The following SLC4A4 variants were observed in gnomAD, a reference collection of about 807,000 sequenced individuals.
SLC4A4 encodes electrogenic sodium bicarbonate cotransporter 1.
In SLC4A4, 27 loss-of-function variants were observed where a neutral mutation model predicts 111.5. The ratio of observed to expected loss-of-function variants is 0.24; its 90% confidence interval spans 0.18 to 0.33. The LOEUF (loss-of-function observed/expected upper bound fraction) is 0.33. Ranked by LOEUF, SLC4A4 falls within the 10% of genes least tolerant of loss-of-function variation. The pLI is 1.00. For missense variants in SLC4A4, 909 were observed against 1,315.5 expected (o/e 0.69, Z 4.78); for synonymous variants, 443 against 463.4 (o/e 0.96, Z 0.57).
chr4:71,152,945 C>CTA (rs1195662786), intron 2 of SLC4A4, among the ~76,000 whole-genome samples: 22 of 142,292 alleles, frequency 1.5e-4, no homozygotes, highest in African/African-American at 4.9e-4. Flanking sequence ...TATATATATC[C>CTA]TATATATATG....
rs1278525037 is a variant in SLC4A4 at position 71,486,957 on chromosome 4, C to T, written c.1913C>T (p.Ser638Leu). 1 of 1,595,822 alleles carries T rather than the reference C, an allele frequency of 6.3e-7. No homozygotes were observed. The highest frequency in any genetic ancestry group is 2.2e-5 in the East Asian group (1 of 44,466). The change falls in exon 15 of 26, where the codon TCA becomes TTA. Residue 638 changes from serine to leucine, a missense_variant. Physicochemically the swap from Ser to Leu is moderately radical, Grantham distance 145. Coordinates refer to ENST00000264485, the MANE Select transcript of SLC4A4 (RefSeq NM_001098484.3). ...TCVPPDPANI[S>L]ISNDTTLAPE... ...TATCTTTTGCTTACAGCTAATATCT[C>T]AATATCTAATGACACCACACTGGCC...
At chr4:71,131,163 G>GGCGGATGGGAGAGTGGGGATCTA in intron 2 of SLC4A4, among the ~76,000 whole-genome samples, 1 of 152,334 alleles carries the variant, frequency 6.6e-6, no homozygotes, top group South Asian at 2.1e-4. Flanking sequence ...GTGGGGATCT[G>GGCGGATGGGAGAGTGGGGATCTA]TCTGTCCATC....
chr4:71,230,172 T>C (rs1010826681), intron 1 of SLC4A4, among the ~76,000 whole-genome samples: 1 of 152,208 alleles, frequency 6.6e-6, no homozygotes, highest in Non-Finnish European at 1.5e-5. Context: ...AATGTGTGTA[T>C]GAGTGTATAA....
intron 1 of SLC4A4, among the ~76,000 whole-genome samples, chr4:71,196,782 C>T (rs760316980): frequency 1.2e-4 from 14 of 115,500 alleles, no homozygotes; most frequent in Non-Finnish European, 2.0e-4. Flanking sequence ...TGCAGTGAGC[C>T]GAGATTGCAC....
chr4:71,159,426 T>A (rs970815776), intron 2 of SLC4A4, among the ~76,000 whole-genome samples: 4 of 152,156 alleles, frequency 2.6e-5, no homozygotes, highest in African/African-American at 9.7e-5. Context: ...CAGGCTGGAG[T>A]ATAGTGGCGT....
At chr4:71,232,591 A>C (rs1006527388) in intron 1 of SLC4A4, among the ~76,000 whole-genome samples, 1 of 151,928 alleles carries the variant, frequency 6.6e-6, no homozygotes, top group Admixed American at 6.6e-5. Context: ...TGGAAAAAAA[A>C]ATTTCAGAGA....
At chr4:71,465,481 CA>C (rs145899195) in intron 12 of SLC4A4, among the ~76,000 whole-genome samples, 2,767 of 149,210 alleles carry the variant, frequency 0.019, 75 homozygotes, top group African/African-American at 0.063. Flanking sequence ...TAGGTTGGTG[CA>C]AAAGTAATCG....
intron 1 of SLC4A4, chr4:71,233,402 G>T (rs958803728): frequency 1.7e-6 from 1 of 600,236 alleles, no homozygotes; most frequent in African/African-American, 2.0e-5. Context: ...TCAGCCACTC[G>T]GTAGCAGTAC....
intron 16 of SLC4A4, among the ~76,000 whole-genome samples, chr4:71,507,058 A>T (rs891496848): frequency 6.6e-6 from 1 of 152,212 alleles, no homozygotes; most frequent in Non-Finnish European, 1.5e-5. Context: ...GAAATTCGTC[A>T]TGACCAGACC....
chr4:71,413,787 C>T (rs536596878), intron 7 of SLC4A4, among the ~76,000 whole-genome samples: 73 of 152,188 alleles, frequency 4.8e-4, no homozygotes, highest in African/African-American at 1.7e-3. Context: ...CCTTCCAGTT[C>T]TAAAATTCTG....
At chr4:71,339,105 T>C (rs1037716672) in intron 3 of SLC4A4, 31 of 1,602,828 alleles carry the variant, frequency 1.9e-5, no homozygotes, top group Non-Finnish European at 2.5e-5. Flanking sequence ...TAAAGGTTCT[T>C]TGTGACACAT....
At chr4:71,138,140 G>A (rs1276837080) in intron 2 of SLC4A4, among the ~76,000 whole-genome samples, 1 of 152,216 alleles carries the variant, frequency 6.6e-6, no homozygotes, top group Non-Finnish European at 1.5e-5. Context: ...AGGTAGTTAA[G>A]TTGATTAATG....
intron 2 of SLC4A4, among the ~76,000 whole-genome samples, chr4:71,168,974 G>A (rs1744862262): frequency 6.6e-6 from 1 of 151,910 alleles, no homozygotes; most frequent in Admixed American, 6.6e-5. Flanking sequence ...ATATACCTAG[G>A]AGTGGGATTG....
intron 2 of SLC4A4, among the ~76,000 whole-genome samples, chr4:71,157,708 T>C (rs928251535): frequency 6.6e-6 from 1 of 152,216 alleles, no homozygotes. Context: ...GGATTTTGTG[T>C]ACCTTAGTTT....
intron 5 of SLC4A4, among the ~76,000 whole-genome samples, chr4:71,351,455 A>T (rs150367513): frequency 6.6e-6 from 1 of 152,374 alleles, no homozygotes; most frequent in Admixed American, 6.5e-5. Context: ...CCAGTCCAAT[A>T]TAACCAAGGA....
chr4:71,440,539 C>G, intron 7 of SLC4A4, 77 bp from the exon 8 acceptor site: 1 of 1,549,472 alleles, frequency 6.5e-7, no homozygotes, highest in South Asian at 1.1e-5. Context: ...CCTTTTTGTT[C>G]CCTTCTCTGG....
At chr4:71,263,483 G>A (rs1315900750) in intron 3 of SLC4A4, among the ~76,000 whole-genome samples, 1 of 152,184 alleles carries the variant, frequency 6.6e-6, no homozygotes, top group East Asian at 1.9e-4. Context: ...CATATTTGTT[G>A]AGTGGATAGG....
chr4:71,283,246 T>C (rs1723666275), intron 3 of SLC4A4, among the ~76,000 whole-genome samples: 1 of 151,402 alleles, frequency 6.6e-6, no homozygotes, highest in South Asian at 2.1e-4. Context: ...TTCATTGCCT[T>C]TTGAAGCATT....
At chr4:71,065,372 GAAAT>G (rs1370380354) in intron 1 of SLC4A4, among the ~76,000 whole-genome samples, 3 of 152,138 alleles carry the variant, frequency 2.0e-5, no homozygotes, top group Non-Finnish European at 4.4e-5. Flanking sequence ...TCACCAGACT[GAAAT>G]AAGAATATAT....
Sources: allele counts gnomAD v4.1 joint callset (sites outside exome capture counted in the v4.1 genomes callset), GRCh38; gene constraint gnomAD v4.1.1; transcripts MANE v1.5; gene names NCBI Gene and HGNC (gene_info 2026-07-23, HGNC 2026-07-21).